NOMO1: variants seen among roughly 807,000 people sequenced by gnomAD.
NOMO1 encodes the protein NODAL modulator 1, also known as nodal modulator 3.
Under a neutral mutation model 133.8 loss-of-function variants are expected in NOMO1, and 40 were observed. The ratio of observed to expected loss-of-function variants is 0.30; its 90% CI spans 0.23 to 0.39. The LOEUF is 0.39. Among genes scored for constraint, NOMO1 ranks in the 10% least tolerant of loss-of-function variants. The pLI, the probability that NOMO1 is intolerant of heterozygous loss-of-function variation, is 1.00. For missense variants in NOMO1, 462 were observed against 1,419.9 expected (o/e 0.33, Z 10.84); for synonymous variants, 236 against 570.5 (o/e 0.41, Z 8.36).
At chr16:14,889,540 A>G (rs1456616042) in intron 29 of NOMO1, among the ~76,000 whole-genome samples, 1 of 150,206 alleles carries the variant, frequency 6.7e-6, no homozygotes, top group Non-Finnish European at 1.5e-5. Context: ...TCCAGAAGAA[A>G]AAAAACAAAA....
At chr16:14,861,730 A>G (rs1733492132) in intron 11 of NOMO1, among the ~76,000 whole-genome samples, 1 of 151,608 alleles carries the variant, frequency 6.6e-6, no homozygotes, top group African/African-American at 2.4e-5. Context: ...AACAGCTGAG[A>G]TAGACAATTT....
chr16:14,849,954 C>T (rs557065222), intron 6 of NOMO1, among the ~76,000 whole-genome samples: 275 of 137,088 alleles, frequency 2.0e-3, no homozygotes, highest in Middle Eastern at 7.8e-3. Context: ...GGCTAGAGTA[C>T]AGTGACATAT....
intron 4 of NOMO1, among the ~76,000 whole-genome samples, chr16:14,845,736 T>G (rs1270131583): frequency 6.6e-6 from 1 of 151,834 alleles, no homozygotes; most frequent in Admixed American, 6.6e-5. Context: ...CAGCTGTATG[T>G]GTGGGCTTCT....
intron 20 of NOMO1, 115 bp downstream of exon 20, chr16:14,875,537 C>T (rs1964145802): frequency 2.5e-6 from 2 of 790,568 alleles, no homozygotes; most frequent in Middle Eastern, 3.8e-4. Flanking sequence ...AGCCACCTTA[C>T]ATCCTCTCTG....
chr16:14,885,165 C>T (rs553539232), intron 27 of NOMO1, among the ~76,000 whole-genome samples: 5 of 152,216 alleles, frequency 3.3e-5, no homozygotes, highest in African/African-American at 1.2e-4. Context: ...CCGATCATCT[C>T]CCACCAGGCC....
At chr16:14,843,627 T>C (rs1336475036) in intron 3 of NOMO1, among the ~76,000 whole-genome samples, 1 of 151,960 alleles carries the variant, frequency 6.6e-6, no homozygotes, top group Non-Finnish European at 1.5e-5. Flanking sequence ...AAATTCCACT[T>C]TTTTGTATGT....
At chr16:14,885,673 C>T (rs1457721147) in intron 27 of NOMO1, among the ~76,000 whole-genome samples, 1 of 151,294 alleles carries the variant, frequency 6.6e-6, no homozygotes, top group African/African-American at 2.4e-5. Flanking sequence ...GGGGGGCAAA[C>T]TGGGGAACTC....
chr16:14,880,896 GTGTC>G (rs1342827534), intron 24 of NOMO1, among the ~76,000 whole-genome samples: 1 of 150,538 alleles, frequency 6.6e-6, no homozygotes, highest in Non-Finnish European at 1.5e-5. Flanking sequence ...ATACACATGA[GTGTC>G]TGGCAAGGCA....
chr16:14,857,111 G>C, intron 9 of NOMO1, 106 bp from the exon 10 acceptor site: 1 of 1,457,772 alleles, frequency 6.9e-7, no homozygotes, highest in Non-Finnish European at 9.5e-7. Context: ...GGAGGTGGGC[G>C]GCAGGAGCAG....
chr16:14,849,549 T>C (rs1006345082), intron 6 of NOMO1, among the ~76,000 whole-genome samples: 5 of 130,526 alleles, frequency 3.8e-5, no homozygotes, highest in African/African-American at 1.4e-4. Context: ...GGAAATATGA[T>C]TTTAAATACT....
chr16:14,867,887 T>C (rs956702488), intron 15 of NOMO1, among the ~76,000 whole-genome samples: 1 of 134,460 alleles, frequency 7.4e-6, no homozygotes. Flanking sequence ...TCTCTTGTAA[T>C]AAGATCCTTT....
intron 18 of NOMO1, among the ~76,000 whole-genome samples, chr16:14,873,396 T>C (rs1208896890): frequency 7.4e-6 from 1 of 135,106 alleles, no homozygotes; most frequent in African/African-American, 2.6e-5. Context: ...GGCCCCAGAC[T>C]AGTGGCTGCG....
intron 3 of NOMO1, among the ~76,000 whole-genome samples, chr16:14,844,407 G>A (rs1244425756): frequency 8.0e-5 from 12 of 150,588 alleles, no homozygotes; most frequent in Admixed American, 8.0e-4. Context: ...TTAGCTGAAA[G>A]GCGTTGTAAA....
chr16:14,866,729 G>T lies in NOMO1; in HGVS notation c.1806+38G>T, dbSNP rs201451365. 18 of 1,609,726 alleles carry T rather than the reference G, an allele frequency of 1.1e-5. 1 individual carries two copies. The East Asian group carries it at 2.7e-4, about 24-fold the overall frequency. On this transcript the variant is annotated intron_variant, in intron 15 of 30. Transcript: ENST00000287667. ...TATTGAGTCTCTTATTTGGAAAAGC[G>T]CTCGCCTTGTGGATGTCAAGAAAGA...
chr16:14,873,738 T>C (rs1964111532), intron 18 of NOMO1, among the ~76,000 whole-genome samples: 1 of 151,820 alleles, frequency 6.6e-6, no homozygotes, highest in Admixed American at 6.5e-5. Context: ...TGCTTGCTTG[T>C]GCCGGAGGTT....
rs368480264 is a variant in NOMO1, at chr16:14,874,451, C to G, written c.2055-585C>G. On this transcript the variant is annotated intron_variant, in intron 18 of 30. Coordinates refer to ENST00000287667, the MANE Select transcript of NOMO1 (RefSeq NM_014287.4). The stretch of plus-strand genomic sequence containing the variant: ...TACCCAGAGAGCTGCGTGGCGCATT[C>G]TCTCCCTTCCTTCAGACCTTTGCTC... 1.3e-3 allele frequency among the ~76,000 whole-genome samples: 204 copies of G among 152,182 alleles called. 3 individuals are homozygous for G. Among genetic ancestry groups the G allele is most frequent in the South Asian group, 6.2e-3 (30 of 4,826 alleles).
chr16:14,868,443 G>A (rs1964035162), intron 15 of NOMO1, 105 bp from the exon 16 acceptor site: 4 of 683,466 alleles, frequency 5.9e-6, no homozygotes, highest in African/African-American at 3.8e-5. Context: ...CTGCTCCAAT[G>A]ATTAATGGGC....
At chr16:14,834,687 GTTTT>G (rs71254287) in intron 1 of NOMO1, among the ~76,000 whole-genome samples, 2 of 127,640 alleles carry the variant, frequency 1.6e-5, no homozygotes, top group Non-Finnish European at 3.4e-5. Flanking sequence ...TGTGCTGAAG[GTTTT>G]TTTTTTTTTT....
rs966592171 is a variant in NOMO1 at position 14,879,211 on chromosome 16, A to G, written c.2757+377A>G. Among the ~76,000 whole-genome samples, 19 of 151,792 alleles carry G rather than the reference A, an allele frequency of 1.3e-4. 1 individual carries two copies. Among genetic ancestry groups the G allele is most frequent in the African/African-American group, 4.4e-4 (18 of 41,194 alleles). On this transcript the variant is annotated intron_variant, in intron 23 of 30. Transcript: ENST00000287667. The stretch of plus-strand genomic sequence containing the variant: ...CTGAAAAGACATTCCACTTGGTGGG[A>G]AGAGAGCAGCAGTTTTTCTTTCAAG...
Sources: gnomAD v4.1 joint callset for allele counts (sites outside exome capture counted in the v4.1 genomes callset) on GRCh38, gnomAD v4.1.1 for gene constraint, MANE v1.5 for transcripts, NCBI Gene and HGNC (gene_info 2026-07-23, HGNC 2026-07-21) for gene names.